Variants in GABRB1 observed in about 807,000 individuals in gnomAD.
GABRB1 encodes gamma-aminobutyric acid receptor subunit beta-1.
A neutral mutation model predicts 51.6 loss-of-function variants in GABRB1; 17 were observed. That is an observed-to-expected ratio of 0.33 (90% confidence interval 0.23 to 0.49). The LOEUF is 0.49. Ranked by LOEUF, GABRB1 falls within the 20% of genes least tolerant of loss-of-function variation. The pLI, the probability that GABRB1 is intolerant of heterozygous loss-of-function variation, is 0.99. For synonymous variants in GABRB1, 247 were observed against 218.9 expected, an observed-to-expected ratio of 1.13 and a Z score of -1.14; for missense variants, 410 against 600.6, an observed-to-expected ratio of 0.68 and a Z score of 3.32.
intron 3 of GABRB1, among the ~76,000 whole-genome samples, chr4:47,044,220 C>T (rs1287979036): frequency 1.3e-5 from 2 of 151,972 alleles, no homozygotes; most frequent in Admixed American, 6.6e-5. Flanking sequence ...TCTGTGTTAA[C>T]GAGGCAAGAT....
intron 3 of GABRB1, among the ~76,000 whole-genome samples, chr4:47,049,392 G>T (rs1023555700): frequency 2.6e-5 from 4 of 152,170 alleles, no homozygotes; most frequent in Admixed American, 2.6e-4. Context: ...GGAGAATACA[G>T]AGGCTAATCA....
intron 4 of GABRB1, among the ~76,000 whole-genome samples, chr4:47,165,671 C>G (rs562143612): frequency 1.4e-4 from 22 of 152,168 alleles, no homozygotes; most frequent in African/African-American, 5.3e-4. Context: ...GGATTCTTCA[C>G]GATTTGATCA....
chr4:47,288,462 C>G (rs952592627), intron 4 of GABRB1, among the ~76,000 whole-genome samples: 1 of 151,954 alleles, frequency 6.6e-6, no homozygotes, highest in Non-Finnish European at 1.5e-5. Flanking sequence ...CTGGGTTTCA[C>G]CACATTAGCC....
At position 47,373,666 on chromosome 4, in the gene GABRB1, T is replaced by C. The variant is rs1399329011; in HGVS notation, c.545-29652T>C. Reference sequence around the variant, plus strand: ...AACTTTGTGGAGTCTTGAGCTGTGATTTGTAAATGCACATTAAATTTGTAA... The same window carrying C: ...AACTTTGTGGAGTCTTGAGCTGTGACTTGTAAATGCACATTAAATTTGTAA... On this transcript the variant is annotated intron_variant, in intron 5 of 8. Transcript: ENST00000295454. Among the ~76,000 whole-genome samples, 3 of 152,180 alleles carry C rather than the reference T, an allele frequency of 2.0e-5. No individual in the cohort carries two copies. The East Asian group carries it at 5.8e-4, about 29-fold the overall frequency.
chr4:47,107,492 A>G (rs1215921613), intron 3 of GABRB1, among the ~76,000 whole-genome samples: 1 of 152,086 alleles, frequency 6.6e-6, no homozygotes, highest in East Asian at 1.9e-4. Context: ...TGCATTGGGT[A>G]TCATTGTTTT....
At chr4:47,137,983 A>G (rs11941273) in intron 3 of GABRB1, among the ~76,000 whole-genome samples, 60,209 of 151,914 alleles carry the variant, frequency 0.4, 12,277 homozygotes, top group African/African-American at 0.46. Flanking sequence ...TAAGTGGACT[A>G]TTTCCATTGC....
chr4:47,140,120 A>T (rs1716864984), intron 3 of GABRB1, among the ~76,000 whole-genome samples: 1 of 151,274 alleles, frequency 6.6e-6, no homozygotes, highest in Admixed American at 6.6e-5. Flanking sequence ...ACACACACAC[A>T]CACACACACA....
chr4:47,077,965 T>TA (rs1159167718), intron 3 of GABRB1, among the ~76,000 whole-genome samples: 1 of 101,614 alleles, frequency 9.8e-6, no homozygotes, highest in African/African-American at 4.2e-5. Context: ...ATTTTATATA[T>TA]ATATTTTATA....
chr4:47,207,480 C>A (rs1191690055), intron 4 of GABRB1, among the ~76,000 whole-genome samples: 1 of 152,002 alleles, frequency 6.6e-6, no homozygotes, highest in South Asian at 2.1e-4. Context: ...TTTTCAGGAA[C>A]GTATTATACA....
chr4:47,268,688 G>GA (rs1722737975), intron 4 of GABRB1, among the ~76,000 whole-genome samples: 2 of 152,200 alleles, frequency 1.3e-5, no homozygotes, highest in Middle Eastern at 3.4e-3. Flanking sequence ...ATTTCAATGA[G>GA]AAAAGCCACA....
chr4:47,042,240 A>G (rs2109490177), intron 3 of GABRB1, among the ~76,000 whole-genome samples: 1 of 151,254 alleles, frequency 6.6e-6, no homozygotes, highest in African/African-American at 2.4e-5. Context: ...TTTCTTTATC[A>G]AGTCTACCTT....
intron 3 of GABRB1, among the ~76,000 whole-genome samples, chr4:47,095,576 A>G (rs1002290350): frequency 6.6e-6 from 1 of 152,200 alleles, no homozygotes; most frequent in African/African-American, 2.4e-5. Context: ...CACTAGGGGC[A>G]CTTATGACTC....
chr4:47,176,952 T>A (rs1718730156), intron 4 of GABRB1, among the ~76,000 whole-genome samples: 1 of 152,134 alleles, frequency 6.6e-6, no homozygotes, highest in South Asian at 2.1e-4. Flanking sequence ...GTAACTTGCT[T>A]AAGATCAGAT....
intron 5 of GABRB1, among the ~76,000 whole-genome samples, chr4:47,398,826 T>C (rs148249019): frequency 0.032 from 4,797 of 152,152 alleles, 274 homozygotes; most frequent in African/African-American, 0.11. Flanking sequence ...AGTCTCGCTC[T>C]GTCACCGCAG....
chr4:47,291,144 G>A (rs892744099), intron 4 of GABRB1, among the ~76,000 whole-genome samples: 2 of 152,188 alleles, frequency 1.3e-5, no homozygotes, highest in Non-Finnish European at 2.9e-5. Context: ...TGTAGTCTAG[G>A]GACTTGGTGC....
At chr4:47,070,325 C>T (rs1004026588) in intron 3 of GABRB1, among the ~76,000 whole-genome samples, 4 of 151,336 alleles carry the variant, frequency 2.6e-5, no homozygotes, top group Non-Finnish European at 4.4e-5. Context: ...CGTAAGCCAC[C>T]GTGCCCAGCC....
chr4:47,399,050 G>A (rs1201400923), intron 5 of GABRB1, among the ~76,000 whole-genome samples: 3 of 152,094 alleles, frequency 2.0e-5, no homozygotes, highest in Admixed American at 6.6e-5. Context: ...TTGGCCTCTC[G>A]AAGTGCTGGG....
At chr4:47,103,819 T>G (rs1331675122) in intron 3 of GABRB1, among the ~76,000 whole-genome samples, 1 of 151,916 alleles carries the variant, frequency 6.6e-6, no homozygotes, top group African/African-American at 2.4e-5. Context: ...AAAATTCTGA[T>G]TAGTGGTCAT....
At chr4:47,199,007 CCT>C (rs1719798026) in intron 4 of GABRB1, among the ~76,000 whole-genome samples, 1 of 152,176 alleles carries the variant, frequency 6.6e-6, no homozygotes, top group African/African-American at 2.4e-5. Flanking sequence ...GATCCAATTA[CCT>C]CCCACCAGGC....
Sources: gnomAD v4.1 joint callset for allele counts (sites outside exome capture counted in the v4.1 genomes callset) on GRCh38, gnomAD v4.1.1 for gene constraint, MANE v1.5 for transcripts, NCBI Gene and HGNC (gene_info 2026-07-23, HGNC 2026-07-21) for gene names.